COL4A4: variants seen among roughly 807,000 people sequenced by gnomAD.
The protein encoded by COL4A4 is collagen type IV alpha 4 chain.
COL4A4 carries 105 observed loss-of-function variants against 192.9 expected under a neutral mutation model. That is an observed-to-expected ratio of 0.54 (90% CI 0.46 to 0.64). The LOEUF is 0.64. COL4A4 is among the 30% of genes least tolerant of loss of function. The pLI is 0.00. For missense variants in COL4A4, 1,967 were observed against 2,169.3 expected (o/e 0.91, Z 1.85); for synonymous variants, 762 against 769.9 (o/e 0.99, Z 0.17).
In COL4A4 at chr2:227,057,299, A is replaced by G. The variant is rs4566357; in HGVS notation, c.2545+140T>C. Reference sequence around the variant, plus strand: ...CATGGGGGAAGTGATGCAAACCAACATGAAACTCATGAGTAACGAAGTCCT... The same window carrying G: ...CATGGGGGAAGTGATGCAAACCAACGTGAAACTCATGAGTAACGAAGTCCT... On this transcript the variant is annotated intron_variant, in intron 29 of 47. Coordinates refer to ENST00000396625, the MANE Select transcript of COL4A4 (RefSeq NM_000092.5). 0.62 allele frequency: 625,963 copies of G among 1,007,746 alleles called. 196,954 individuals carry two copies. Among genetic ancestry groups the G allele is most frequent in the African/African-American group, 0.76 (47,673 of 62,366 alleles). 62.4% of individuals were successfully genotyped at this position (1,007,746 alleles called of 1,614,324 possible).
the COL4A4 span, chr2:226,995,715 TCTC>T: frequency 1.7e-6 from 1 of 593,368 alleles, no homozygotes; most frequent in Non-Finnish European, 3.0e-6. Context: ...GAGTGGGCCT[TCTC>T]CTGGCCTTGT....
intron 4 of COL4A4, among the ~76,000 whole-genome samples, chr2:227,130,453 C>T (rs1048281065): frequency 6.6e-6 from 1 of 152,276 alleles, no homozygotes; most frequent in African/African-American, 2.4e-5. Context: ...AGCTCTAACC[C>T]ACTCAACTCT....
rs778371674 is a variant in COL4A4, at chr2:227,033,429, T to C, written c.3558A>G (p.Lys1186=). 34 of 1,613,468 alleles carry C rather than the reference T, an allele frequency of 2.1e-5. No homozygotes were observed. In the African/African-American group the frequency reaches 3.5e-4, roughly 16 times the overall value. ...GCTTACCTGAAGCACCTTTAGTTCC[T>C]TTCTGACCTTTCAATCCATGCAAGC... The part of the protein sequence containing the change: ...LNGLHGLKGQ[K]GTKGASGLHD... Residue 1186 remains lysine (K), a synonymous_variant, in exon 38 of 48, where the codon AAA becomes AAG. Transcript: ENST00000396625.
At chr2:226,984,059 T>C in the COL4A4 span, among the ~76,000 whole-genome samples, 1 of 152,208 alleles carries the variant, frequency 6.6e-6, no homozygotes, top group Non-Finnish European at 1.5e-5. Flanking sequence ...CCGGCAATTA[T>C]GAAGCCACCA....
At chr2:227,088,980 G>T (rs1300256730) in intron 21 of COL4A4, among the ~76,000 whole-genome samples, 164 bp from the exon 22 acceptor site, 2 of 152,210 alleles carry the variant, frequency 1.3e-5, no homozygotes, top group African/African-American at 4.8e-5. Flanking sequence ...TGTGGCATGG[G>T]GCACTACATG....
chr2:227,101,937 A>T, intron 15 of COL4A4, 28 bp from the exon 16 acceptor site: 1 of 1,565,348 alleles, frequency 6.4e-7, no homozygotes, highest in Non-Finnish European at 8.8e-7. Flanking sequence ...ATCAGGATAA[A>T]CAGAATTAAA....
the COL4A4 span, among the ~76,000 whole-genome samples, chr2:226,991,947 A>G: frequency 6.6e-6 from 1 of 152,148 alleles, no homozygotes; most frequent in Non-Finnish European, 1.5e-5. Flanking sequence ...CTAATTCCCT[A>G]CTAATACTTT....
At chr2:227,121,415 A>G (rs563487063) in intron 4 of COL4A4, among the ~76,000 whole-genome samples, 29 of 152,148 alleles carry the variant, frequency 1.9e-4, no homozygotes, top group African/African-American at 6.7e-4. Context: ...AAATATAAAA[A>G]TTAGCTGGGC....
At chr2:226,988,533 T>A in the COL4A4 span, 1 of 1,467,896 alleles carries the variant, frequency 6.8e-7, no homozygotes, top group Non-Finnish European at 9.0e-7. Context: ...GCCCGCACTG[T>A]GCCAGGCTGG....
At chr2:226,971,880 T>C in the COL4A4 span, among the ~76,000 whole-genome samples, 1 of 151,566 alleles carries the variant, frequency 6.6e-6, no homozygotes, top group Non-Finnish European at 1.5e-5. Flanking sequence ...TTGAACATGA[T>C]AGAAAACTAG....
chr2:227,008,148 C>G lies in COL4A4; in HGVS notation c.4679G>C (p.Arg1560Pro). The G allele has an allele frequency of 6.2e-7, 1 of 1,613,922 alleles. No homozygotes were observed. Among genetic ancestry groups the G allele is most frequent in the Non-Finnish European group, 8.5e-7 (1 of 1,179,840 alleles). Residue 1560 changes from arginine to proline, a missense_variant, in exon 47 of 48, where the codon CGC (arginine) becomes CCC (proline). Physicochemically the swap from Arg to Pro is moderately radical, Grantham distance 103. Coordinates refer to ENST00000396625, the MANE Select transcript of COL4A4 (RefSeq NM_000092.5). ...TACCGCACAGCGGCTGACATAGGGGCGGATCGCCTCTTCAGAGAGTGGCAT... is the reference window on the plus strand; with the variant it reads ...TACCGCACAGCGGCTGACATAGGGGGGGATCGCCTCTTCAGAGAGTGGCAT... ...PMMPLSEEAI[R>P]PYVSRCAVCE...
intron 4 of COL4A4, among the ~76,000 whole-genome samples, chr2:227,130,304 G>A (rs1034121793): frequency 6.6e-6 from 1 of 152,244 alleles, no homozygotes; most frequent in Non-Finnish European, 1.5e-5. Context: ...AGAACCAGGA[G>A]ACATGGCTTT....
intron 3 of COL4A4, among the ~76,000 whole-genome samples, 159 bp downstream of exon 3, chr2:227,144,357 C>T (rs1187432946): frequency 6.6e-6 from 1 of 152,098 alleles, no homozygotes; most frequent in African/African-American, 2.4e-5. Context: ...CTTGACTATA[C>T]AATATAAAAG....
rs1452546964 is a variant in COL4A4 at position 227,010,489 on chromosome 2, G to C, written c.4346C>G (p.Pro1449Arg). The change falls in exon 46 of 48, where the codon CCC becomes CGC. Residue 1449 changes from proline to arginine, a missense_variant. By Grantham distance (103) the Pro-to-Arg change is moderately radical. Coordinates refer to ENST00000396625, the MANE Select transcript of COL4A4 (RefSeq NM_000092.5). The part of the protein sequence containing the change: ...GYPGGPGPPG[P>R]IGDPGPKGFG... ...CCCTTTGGGCCCAGGATCCCCAATG[G>C]GACCAGGAGGCCCTGGAGGAACAAA... 1.9e-6 allele frequency: 3 copies of C among 1,575,604 alleles called. No individual in the cohort carries two copies. Among genetic ancestry groups the C allele is most frequent in the Admixed American group, 3.9e-5 (2 of 51,254 alleles).
intron 4 of COL4A4, among the ~76,000 whole-genome samples, chr2:227,138,235 T>C (rs1336533623): frequency 6.6e-6 from 1 of 152,080 alleles, no homozygotes; most frequent in Non-Finnish European, 1.5e-5. Context: ...GGAGGCTCAC[T>C]TGAGCCCAAG....
chr2:227,001,637 C>T (rs868198339), downstream of COL4A4, among the ~76,000 whole-genome samples: 5 of 152,070 alleles, frequency 3.3e-5, no homozygotes, highest in East Asian at 1.9e-4. Context: ...AACAGACAGA[C>T]GAGGGTTTGG....
At chr2:227,147,974 A>G (rs2125394880) in intron 1 of COL4A4, among the ~76,000 whole-genome samples, 1 of 152,170 alleles carries the variant, frequency 6.6e-6, no homozygotes, top group Admixed American at 6.5e-5. Flanking sequence ...ACTTTATGAA[A>G]CTAGAAAAGG....
At position 227,045,833 on chromosome 2, in the gene COL4A4, CACACATATATATAT is replaced by C. The variant is rs1459394180; in HGVS notation, c.3289+1628_3289+1641del. On this transcript the variant is annotated intron_variant, in intron 35 of 47. Coordinates refer to ENST00000396625, the MANE Select transcript of COL4A4 (RefSeq NM_000092.5). ...ATATATATACACATATATATATATA[CACACATATATATAT>C]ACACATATATATATACACATATATA... is the stretch of plus-strand genomic sequence containing the variant. Among the ~76,000 whole-genome samples, 17 of 33,606 alleles carry C rather than the reference CACACATATATATAT, an allele frequency of 5.1e-4. 5 individuals are homozygous for C. The South Asian group carries it at 0.011, about 22-fold the overall frequency. The allele number at this position is 33,606 out of a possible 152,430, so 22.0% of individuals were successfully genotyped here.
At chr2:227,102,692 TC>T in intron 15 of COL4A4, 96 bp downstream of exon 15, 5 of 1,020,226 alleles carry the variant, frequency 4.9e-6, no homozygotes, top group Non-Finnish European at 6.3e-6. Flanking sequence ...GAGCTATTCT[TC>T]ACTTTTGAGC....
Sources: gnomAD v4.1 joint callset for allele counts (sites outside exome capture counted in the v4.1 genomes callset) on GRCh38, gnomAD v4.1.1 for gene constraint, MANE v1.5 for transcripts, NCBI Gene and HGNC (gene_info 2026-07-23, HGNC 2026-07-21) for gene names.